TNS3: variants seen among roughly 807,000 people sequenced by gnomAD.
The protein encoded by TNS3 is tensin-3.
In TNS3, 45 loss-of-function variants were observed where a neutral mutation model predicts 140.9. The observed-to-expected ratio is 0.32, with a 90% CI of 0.25 to 0.41. The LOEUF (loss-of-function observed/expected upper bound fraction) is 0.41, where lower values mean the gene tolerates loss of function less well. TNS3 is among the 10% of genes least tolerant of loss of function. The probability of loss-of-function intolerance (pLI) is 1.00; values close to 1 mark genes in which losing one functional copy is unlikely to be tolerated. For synonymous variants in TNS3, 815 were observed against 788.4 expected (o/e 1.03, Z -0.56); for missense variants, 1,716 against 1,906.7 (o/e 0.90, Z 1.86).
chr7:47,403,047 A>G (rs1793245415), intron 13 of TNS3, among the ~76,000 whole-genome samples: 1 of 152,088 alleles, frequency 6.6e-6, no homozygotes, highest in East Asian at 1.9e-4. Flanking sequence ...GGGCTCCAGT[A>G]CGGGCCACAT....
rs527553233 is a variant in TNS3 at position 47,519,008 on chromosome 7, G to A, written c.-153+10028C>T. On this transcript the variant is annotated intron_variant, in intron 2 of 30. Coordinates refer to ENST00000311160, the MANE Select transcript of TNS3 (RefSeq NM_022748.12). ...GATGAAGCACTCAAGAGCTGACAGA[G>A]TCCTTTTACGTCCCTTGACTCACAT... 3.3e-5 allele frequency among the ~76,000 whole-genome samples: 5 copies of A among 152,276 alleles called. No individual in the cohort carries two copies. The East Asian group carries it at 9.6e-4, about 29-fold the overall frequency.
At chr7:47,416,478 G>A (rs993037809) in intron 10 of TNS3, among the ~76,000 whole-genome samples, 3 of 152,182 alleles carry the variant, frequency 2.0e-5, no homozygotes, top group Non-Finnish European at 2.9e-5. Flanking sequence ...TTAGAAAAGC[G>A]AGTTTGCTTC....
intron 1 of TNS3, among the ~76,000 whole-genome samples, chr7:47,545,296 T>C (rs940498978): frequency 6.6e-6 from 1 of 152,074 alleles, no homozygotes; most frequent in African/African-American, 2.4e-5. Context: ...TGCACCACCA[T>C]GCCCAGCTAA....
chr7:47,280,258 T>A (rs759447355), intron 29 of TNS3, 28 bp downstream of exon 29: 1 of 1,613,980 alleles, frequency 6.2e-7, no homozygotes, highest in African/African-American at 1.3e-5. Context: ...AGTACACTCC[T>A]TGCTCAATAA....
intron 13 of TNS3, among the ~76,000 whole-genome samples, chr7:47,411,299 T>C (rs577357047): frequency 6.6e-6 from 1 of 152,336 alleles, no homozygotes; most frequent in South Asian, 2.1e-4. Context: ...ACCAATCTTT[T>C]TGGCACCAGG....
At chr7:47,349,502 A>C (rs1789541468) in intron 17 of TNS3, among the ~76,000 whole-genome samples, 1 of 152,224 alleles carries the variant, frequency 6.6e-6, no homozygotes, top group Non-Finnish European at 1.5e-5. Flanking sequence ...CAAGCGCAGG[A>C]AGAATGGGGG....
At chr7:47,332,967 T>C (rs1344297023) in intron 20 of TNS3, among the ~76,000 whole-genome samples, 1 of 152,154 alleles carries the variant, frequency 6.6e-6, no homozygotes, top group African/African-American at 2.4e-5. Context: ...GATAAATAAA[T>C]TTAGAAAAGC....
chr7:47,312,568 T>G (rs1787165583), intron 20 of TNS3, among the ~76,000 whole-genome samples: 1 of 151,844 alleles, frequency 6.6e-6, no homozygotes, highest in Non-Finnish European at 1.5e-5. Context: ...CTGGGTGTGG[T>G]GGTGTGTGCC....
In TNS3 at chr7:47,309,672, C is replaced by A. The variant is rs139876996; in HGVS notation, c.2651-4669G>T. On this transcript the variant is annotated intron_variant, in intron 20 of 30. Transcript: ENST00000311160. ...TGTTTATCCAGTGAGGTAGAAGAAG[C>A]CAGAATGTTAGATTGTTCACTGCAG... is the stretch of plus-strand genomic sequence containing the variant. Among the ~76,000 whole-genome samples, 33 of 152,256 alleles carry A rather than the reference C, an allele frequency of 2.2e-4. 1 individual carries two copies. The East Asian group carries it at 6.2e-3, about 29-fold the overall frequency.
rs191459198 is a variant in TNS3 at position 47,477,441 on chromosome 7, G to A, written c.-76+3662C>T. On this transcript the variant is annotated intron_variant, in intron 4 of 30. Coordinates refer to ENST00000311160, the MANE Select transcript of TNS3 (RefSeq NM_022748.12). Reference sequence around the variant, plus strand: ...CGCCAGCACAGGACAGAGCAGAAGAGCAGCCAGGTCTAAGGGCAGGTCACA... The same window carrying A: ...CGCCAGCACAGGACAGAGCAGAAGAACAGCCAGGTCTAAGGGCAGGTCACA... Among the ~76,000 whole-genome samples, 421 of 152,266 alleles carry A rather than the reference G, an allele frequency of 2.8e-3. 3 individuals carry two copies. The highest frequency in any genetic ancestry group is 5.3e-3 in the Admixed American group (81 of 15,300).
At position 47,368,458 on chromosome 7, in the gene TNS3, A is replaced by G. The variant is rs1349835456; in HGVS notation, c.2188T>C (p.Ser730Pro). 2 of 1,581,476 alleles carry G rather than the reference A, an allele frequency of 1.3e-6. No homozygotes were observed. The highest frequency in any genetic ancestry group is 2.3e-5 in the South Asian group (2 of 87,622). Residue 730 changes from serine to proline, a missense_variant, in exon 17 of 31, where the codon TCT (serine) becomes CCT (proline). By Grantham distance (74) the Ser-to-Pro change is moderately conservative. Transcript: ENST00000311160. ...CCTCCCACGCTGTCTGGAGACACAGAGCCATTGGCCTGGCTACCGAGGGCG... is the reference window on the plus strand; with the variant it reads ...CCTCCCACGCTGTCTGGAGACACAGGGCCATTGGCCTGGCTACCGAGGGCG... ...MNALGSQANG[S>P]VSPDSVGGGL...
chr7:47,564,813 C>A lies in TNS3; in HGVS notation c.-265+17238G>T, dbSNP rs552806702. 2.1e-3 allele frequency among the ~76,000 whole-genome samples: 325 copies of A among 151,874 alleles called. 1 individual carries two copies. The highest frequency in any genetic ancestry group is 7.6e-3 in the Admixed American group (116 of 15,246). On this transcript the variant is annotated intron_variant, in intron 1 of 30. Transcript: ENST00000311160. ...AATATCACTAAGCTCTTGGCTGCCT[C>A]CCCGACCCTATCCTCATTCAGCTCT...
intron 20 of TNS3, among the ~76,000 whole-genome samples, chr7:47,331,808 T>C (rs1788357827): frequency 1.3e-5 from 2 of 152,208 alleles, no homozygotes; most frequent in South Asian, 4.1e-4. Flanking sequence ...ATATGTACCA[T>C]ATAACATGTC....
chr7:47,334,213 C>G (rs1788493145), intron 20 of TNS3, among the ~76,000 whole-genome samples: 1 of 152,180 alleles, frequency 6.6e-6, no homozygotes, highest in Non-Finnish European at 1.5e-5. Flanking sequence ...TCCTCCCAGC[C>G]CTTCACAAAA....
chr7:47,555,457 A>C (rs909535045), intron 1 of TNS3, among the ~76,000 whole-genome samples: 2 of 152,176 alleles, frequency 1.3e-5, no homozygotes, highest in Non-Finnish European at 2.9e-5. Flanking sequence ...GTAATAAAGC[A>C]GCAAGAGGGT....
intron 20 of TNS3, among the ~76,000 whole-genome samples, chr7:47,333,067 C>T (rs1226465584): frequency 2.6e-5 from 4 of 152,018 alleles, no homozygotes; most frequent in Admixed American, 2.0e-4. Context: ...CCAAGCTGGC[C>T]TGCTCCGCGG....
Position 47,389,097 on chromosome 7 carries a change from AGGAAGC to A in TNS3, c.1024+7697_1024+7702del, listed in dbSNP as rs1584542754. 1.1e-4 allele frequency among the ~76,000 whole-genome samples: 6 copies of A among 55,686 alleles called. 1 individual carries two copies. Among genetic ancestry groups the A allele is most frequent in the African/African-American group, 5.8e-4 (6 of 10,280 alleles). The allele number at this position is 55,686 out of a possible 152,430, so 36.5% of individuals were successfully genotyped here. A position where few individuals can be genotyped will look rare whatever the true frequency, so the allele number is the denominator to read the frequency against. On this transcript the variant is annotated intron_variant, in intron 16 of 30. Transcript: ENST00000311160. ...GAAGAAGAAGAAGAGGAAGAGGAAG[AGGAAGC>A]GGAAGCAGAAGAAGAAGAAGAAGAA...
intron 4 of TNS3, among the ~76,000 whole-genome samples, chr7:47,464,102 T>G (rs1005696401): frequency 6.6e-6 from 1 of 152,158 alleles, no homozygotes; most frequent in Non-Finnish European, 1.5e-5. Context: ...CTTAGAGGAA[T>G]CCTTCCTCCT....
intron 4 of TNS3, among the ~76,000 whole-genome samples, chr7:47,442,388 C>T (rs934957429): frequency 4.6e-5 from 7 of 152,160 alleles, no homozygotes; most frequent in African/African-American, 9.7e-5. Flanking sequence ...ATGACACCAG[C>T]GCTATGACTA....
Sources: gnomAD v4.1 joint callset for allele counts (sites outside exome capture counted in the v4.1 genomes callset) on GRCh38, gnomAD v4.1.1 for gene constraint, MANE v1.5 for transcripts, NCBI Gene and HGNC (gene_info 2026-07-23, HGNC 2026-07-21) for gene names.